MAD1L1: variants seen among roughly 807,000 people sequenced by gnomAD.
MAD1L1 encodes the protein mitotic arrest deficient 1 like 1.
Under a neutral mutation model 96.9 loss-of-function variants are expected in MAD1L1, and 95 were observed. The observed-to-expected ratio is 0.98, with a 90% CI of 0.83 to 1.16. The LOEUF (loss-of-function observed/expected upper bound fraction) is 1.16, where lower values mean the gene tolerates loss of function less well. MAD1L1 is among the 50% of genes most tolerant of loss of function. The pLI, the probability that MAD1L1 is intolerant of heterozygous loss-of-function variation, is 0.00. For synonymous variants in MAD1L1, 473 were observed against 396.6 expected, an observed-to-expected ratio of 1.19 and a Z score of -2.29; for missense variants, 1,007 against 954.4, an observed-to-expected ratio of 1.06 and a Z score of -0.73.
intron 10 of MAD1L1, among the ~76,000 whole-genome samples, chr7:2,199,862 C>A (rs895456745): frequency 6.6e-6 from 1 of 152,260 alleles, no homozygotes; most frequent in Non-Finnish European, 1.5e-5. Context: ...GCAGGGCCCA[C>A]ACTCCGCACC....
intron 12 of MAD1L1, among the ~76,000 whole-genome samples, chr7:2,033,436 G>A (rs967902433): frequency 6.6e-6 from 1 of 152,178 alleles, no homozygotes; most frequent in African/African-American, 2.4e-5. Context: ...AGCACGCTTC[G>A]CCACACCAAC....
intron 11 of MAD1L1, among the ~76,000 whole-genome samples, chr7:2,109,763 C>A (rs951731100): frequency 6.6e-6 from 1 of 152,186 alleles, no homozygotes; most frequent in African/African-American, 2.4e-5. Context: ...ATTTTTTAAA[C>A]TAATTGAATG....
chr7:1,949,796 G>A (rs904601919), intron 16 of MAD1L1, among the ~76,000 whole-genome samples: 6 of 152,226 alleles, frequency 3.9e-5, no homozygotes, highest in African/African-American at 7.2e-5. Context: ...TCCAAGAGCC[G>A]CGGGGACTGG....
At chr7:2,167,342 T>TA (rs1481864817) in intron 10 of MAD1L1, among the ~76,000 whole-genome samples, 1 of 151,728 alleles carries the variant, frequency 6.6e-6, no homozygotes, top group Non-Finnish European at 1.5e-5. Flanking sequence ...GCTCAGGAGA[T>TA]AGAGACCATC....
chr7:2,060,426 C>G (rs140612088), intron 12 of MAD1L1, among the ~76,000 whole-genome samples: 1 of 151,256 alleles, frequency 6.6e-6, no homozygotes, highest in Admixed American at 6.6e-5. Flanking sequence ...TGCTGAGATA[C>G]GCCGATGCTG....
chr7:1,819,874 G>C (rs1228446789), intron 18 of MAD1L1, among the ~76,000 whole-genome samples: 1 of 152,134 alleles, frequency 6.6e-6, no homozygotes, highest in Non-Finnish European at 1.5e-5. Context: ...ACCCCCTGCT[G>C]CTGAGGGTCC....
At position 1,968,174 on chromosome 7, in the gene MAD1L1, C is replaced by T. The variant is rs1270052315; in HGVS notation, c.1506-10455G>A. Among the ~76,000 whole-genome samples the T allele has an allele frequency of 1.3e-5, 2 of 152,254 alleles. No individual in the cohort carries two copies. Among genetic ancestry groups the T allele is most frequent in the South Asian group, 2.1e-4 (1 of 4,834 alleles). On this transcript the variant is annotated intron_variant, in intron 15 of 18. Transcript: ENST00000265854. The surrounding 1 kb of genome is among the most constrained non-coding windows in gnomAD (Gnocchi z 5.6). ...GAGAAAGTGCAAACAGCTTCGCGGA[C>T]GAGGCACCCGGCAGAGCACGCCTCA... is the stretch of plus-strand genomic sequence containing the variant.
intron 11 of MAD1L1, among the ~76,000 whole-genome samples, chr7:2,110,505 G>A (rs1787325915): frequency 6.6e-6 from 1 of 152,176 alleles, no homozygotes; most frequent in Non-Finnish European, 1.5e-5. Flanking sequence ...CACTTCTTCT[G>A]AAGTCACAAC....
chr7:2,215,117 G>A (rs1019919147), intron 9 of MAD1L1, among the ~76,000 whole-genome samples: 7 of 152,144 alleles, frequency 4.6e-5, no homozygotes, highest in South Asian at 2.1e-4. Context: ...GGTGGCTCAC[G>A]TCTATAATCC....
intron 5 of MAD1L1, among the ~76,000 whole-genome samples, chr7:2,221,450 C>T (rs1162321604): frequency 6.6e-6 from 1 of 152,100 alleles, no homozygotes; most frequent in Non-Finnish European, 1.5e-5. Flanking sequence ...AGGAAGGACC[C>T]GCGGCCAGTT....
chr7:2,152,973 T>C (rs1168573462), intron 10 of MAD1L1, among the ~76,000 whole-genome samples: 4 of 152,224 alleles, frequency 2.6e-5, no homozygotes, highest in African/African-American at 9.6e-5. Context: ...TGTGAAATTT[T>C]GTATACCCTT....
At chr7:1,883,168 A>G (rs1027934181) in intron 18 of MAD1L1, among the ~76,000 whole-genome samples, 55 of 151,538 alleles carry the variant, frequency 3.6e-4, no homozygotes, top group African/African-American at 1.2e-3. Flanking sequence ...CCTTATCACC[A>G]AACCTCGTGT....
At chr7:2,048,723 C>T (rs200542660) in intron 12 of MAD1L1, among the ~76,000 whole-genome samples, 3 of 152,322 alleles carry the variant, frequency 2.0e-5, no homozygotes, top group East Asian at 3.9e-4. Context: ...CTCAGCTGAA[C>T]GGAGCTGTGA....
intron 11 of MAD1L1, among the ~76,000 whole-genome samples, chr7:2,130,054 T>G (rs541934998): frequency 6.6e-6 from 1 of 152,310 alleles, no homozygotes; most frequent in South Asian, 2.1e-4. Context: ...CAGCACCAAG[T>G]GGGTGCAGGA....
Position 1,876,921 on chromosome 7 carries a change from G to A in MAD1L1, c.1998+21279C>T, listed in dbSNP as rs549237284. ...GTGCGGTTCCATCTCCAGGCCCCCC[G>A]CCCTGGTCCTCCTCCCACTACTGCC... On this transcript the variant is annotated intron_variant, in intron 18 of 18. Coordinates refer to ENST00000265854, the MANE Select transcript of MAD1L1 (RefSeq NM_001013836.2). Among the ~76,000 whole-genome samples, 7 of 111,292 alleles carry A rather than the reference G, an allele frequency of 6.3e-5. 2 individuals are homozygous for A. In the East Asian group the frequency reaches 2.0e-3, roughly 31 times the overall value. 73.0% of individuals were successfully genotyped at this position (111,292 alleles called of 152,430 possible).
intron 18 of MAD1L1, among the ~76,000 whole-genome samples, chr7:1,828,958 A>C (rs1404448233): frequency 2.0e-5 from 3 of 152,266 alleles, no homozygotes; most frequent in Non-Finnish European, 4.4e-5. Context: ...GCCAGATCAG[A>C]CATGGCGAAA....
intron 10 of MAD1L1, among the ~76,000 whole-genome samples, chr7:2,186,077 C>A (rs1002172959): frequency 6.6e-6 from 1 of 152,214 alleles, no homozygotes; most frequent in African/African-American, 2.4e-5. Context: ...ACACTAACAA[C>A]ATCAATGAAT....
chr7:2,188,642 G>A (rs1003531028), intron 10 of MAD1L1, among the ~76,000 whole-genome samples: 9 of 152,180 alleles, frequency 5.9e-5, no homozygotes, highest in African/African-American at 2.2e-4. Flanking sequence ...ACATGCAAAA[G>A]AATGAAGTTG....
At chr7:2,166,149 T>G (rs1010694531) in intron 10 of MAD1L1, among the ~76,000 whole-genome samples, 1 of 152,110 alleles carries the variant, frequency 6.6e-6, no homozygotes, top group African/African-American at 2.4e-5. Flanking sequence ...AGACCTCGCC[T>G]CCCAGGAGGG....
Sources: allele counts gnomAD v4.1 joint callset (sites outside exome capture counted in the v4.1 genomes callset), GRCh38; gene constraint gnomAD v4.1.1; non-coding constraint Gnocchi (gnomAD v3.1); transcripts MANE v1.5; gene names NCBI Gene and HGNC (gene_info 2026-07-23, HGNC 2026-07-21).